The following RIT2 variants were observed in gnomAD, a reference collection of about 807,000 sequenced individuals.
RIT2 encodes the protein GTP-binding protein Rit2.
A neutral mutation model predicts 23.7 loss-of-function variants in RIT2; 24 were observed. The observed-to-expected ratio is 1.01, with a 90% confidence interval of 0.73 to 1.43. The LOEUF (loss-of-function observed/expected upper bound fraction) is 1.43, where lower values mean the gene tolerates loss of function less well. Ranked by LOEUF, RIT2 falls within the 40% of genes most tolerant of loss-of-function variation. The probability of loss-of-function intolerance (pLI) is 0.00; values close to 1 mark genes in which losing one functional copy is unlikely to be tolerated. For missense variants in RIT2, 236 were observed against 266.9 expected (o/e 0.88, Z 0.81); for synonymous variants, 107 against 91.1 (o/e 1.17, Z -0.99).
At chr18:43,110,830 G>A (rs1420895243) in intron 1 of RIT2, among the ~76,000 whole-genome samples, 2 of 152,080 alleles carry the variant, frequency 1.3e-5, no homozygotes, top group Non-Finnish European at 1.5e-5. Flanking sequence ...TTCTCGTCAT[G>A]AGTCTTATTT....
intron 3 of RIT2, among the ~76,000 whole-genome samples, chr18:42,942,203 TCA>T (rs2144160082): frequency 6.6e-6 from 1 of 152,250 alleles, no homozygotes; most frequent in Non-Finnish European, 1.5e-5. Context: ...TAACAGTTGA[TCA>T]CCCCCAAACC....
At chr18:42,929,542 C>A (rs989565595) in intron 3 of RIT2, among the ~76,000 whole-genome samples, 1 of 152,050 alleles carries the variant, frequency 6.6e-6, no homozygotes, top group African/African-American at 2.4e-5. Context: ...TGGAATCCAA[C>A]TATAATGATG....
At chr18:42,752,374 A>G (rs1913065118) in intron 4 of RIT2, among the ~76,000 whole-genome samples, 1 of 152,202 alleles carries the variant, frequency 6.6e-6, no homozygotes, top group Admixed American at 6.5e-5. Context: ...ATATTCATCT[A>G]CTTTATATAG....
At chr18:43,112,416 C>T (rs1913974104) in intron 1 of RIT2, among the ~76,000 whole-genome samples, 1 of 152,196 alleles carries the variant, frequency 6.6e-6, no homozygotes, top group Non-Finnish European at 1.5e-5. Context: ...TTACGTCCTT[C>T]ATAGTAACTA....
At chr18:43,059,646 T>C (rs1386938692) in intron 1 of RIT2, among the ~76,000 whole-genome samples, 2 of 152,170 alleles carry the variant, frequency 1.3e-5, no homozygotes, top group Non-Finnish European at 2.9e-5. Flanking sequence ...CCTTTCGAAC[T>C]TCAGTAAACA....
intron 4 of RIT2, among the ~76,000 whole-genome samples, chr18:42,854,035 A>C (rs2144040183): frequency 6.6e-6 from 1 of 152,298 alleles, no homozygotes; most frequent in Admixed American, 6.5e-5. Context: ...TTGATCCTTT[A>C]ACTGTATCAT....
At chr18:42,762,754 A>G (rs185015897) in intron 4 of RIT2, among the ~76,000 whole-genome samples, 2 of 152,362 alleles carry the variant, frequency 1.3e-5, no homozygotes, top group East Asian at 3.9e-4. Context: ...CATTTTCCCT[A>G]GCTTGCAGCT....
intron 1 of RIT2, among the ~76,000 whole-genome samples, chr18:43,040,960 T>C (rs987603308): frequency 1.2e-4 from 19 of 152,166 alleles, no homozygotes; most frequent in Admixed American, 1.3e-4. Flanking sequence ...GAAATTATTA[T>C]TAAAAACCAT....
chr18:42,975,982 T>C (rs1230412646), intron 2 of RIT2, among the ~76,000 whole-genome samples: 3 of 152,144 alleles, frequency 2.0e-5, no homozygotes, highest in Non-Finnish European at 4.4e-5. Context: ...GTTTTCATTT[T>C]CATGCATGTG....
chr18:42,768,883 C>A (rs2143911968), intron 4 of RIT2, among the ~76,000 whole-genome samples: 1 of 151,974 alleles, frequency 6.6e-6, no homozygotes, highest in African/African-American at 2.4e-5. Flanking sequence ...CCCAACTTCC[C>A]TTTGGACCAA....
chr18:42,891,257 G>A (rs79669678), intron 4 of RIT2, among the ~76,000 whole-genome samples: 1 of 152,040 alleles, frequency 6.6e-6, no homozygotes, highest in East Asian at 1.9e-4. Flanking sequence ...TTTAAAAATA[G>A]CAACTTGAAG....
At chr18:42,999,634 G>A (rs910359383) in intron 2 of RIT2, among the ~76,000 whole-genome samples, 6 of 152,028 alleles carry the variant, frequency 3.9e-5, no homozygotes, top group African/African-American at 1.4e-4. Flanking sequence ...AGTGATCTGA[G>A]AGTAGAAACT....
At chr18:43,007,922 G>A (rs1282908035) in intron 2 of RIT2, among the ~76,000 whole-genome samples, 1 of 151,640 alleles carries the variant, frequency 6.6e-6, no homozygotes. Flanking sequence ...AGAAAAGATA[G>A]AGTTGGGATA....
intron 1 of RIT2, among the ~76,000 whole-genome samples, chr18:43,105,481 G>GGAGAAAGA (rs1913793774): frequency 8.5e-6 from 1 of 118,298 alleles, no homozygotes; most frequent in South Asian, 3.2e-4. Context: ...AGAGAGGAAG[G>GGAGAAAGA]GAGGAAGGGA....
intron 1 of RIT2, among the ~76,000 whole-genome samples, chr18:43,078,948 G>C (rs903169481): frequency 7.9e-5 from 12 of 152,120 alleles, no homozygotes; most frequent in African/African-American, 2.9e-4. Flanking sequence ...TGGACTGCAG[G>C]ATCCACACCG....
intron 3 of RIT2, among the ~76,000 whole-genome samples, chr18:42,956,953 G>A (rs187096966): frequency 1.6e-3 from 244 of 152,242 alleles, no homozygotes; most frequent in African/African-American, 5.6e-3. Flanking sequence ...GGGAAGCCAA[G>A]GTCTAGGACA....
chr18:42,908,512 C>T (rs778981943), intron 4 of RIT2, among the ~76,000 whole-genome samples: 12 of 152,150 alleles, frequency 7.9e-5, no homozygotes, highest in Non-Finnish European at 1.8e-4. Flanking sequence ...CTCTTGAAAA[C>T]TAAACCCAAA....
chr18:42,966,936 C>A (rs554076207), intron 3 of RIT2, among the ~76,000 whole-genome samples: 1 of 152,092 alleles, frequency 6.6e-6, no homozygotes, highest in South Asian at 2.1e-4. Context: ...GCAGTATGGG[C>A]TAAACCTAAT....
chr18:42,851,634 G>A (rs571303996), intron 4 of RIT2, among the ~76,000 whole-genome samples: 150 of 152,194 alleles, frequency 9.9e-4, no homozygotes, highest in African/African-American at 3.3e-3. Flanking sequence ...GGTGGATCCC[G>A]AGGTCAGGAG....
Sources: allele counts gnomAD v4.1 joint callset (sites outside exome capture counted in the v4.1 genomes callset), GRCh38; gene constraint gnomAD v4.1.1; transcripts MANE v1.5; gene names NCBI Gene and HGNC (gene_info 2026-07-23, HGNC 2026-07-21).